SYNCRIP: variants seen among roughly 807,000 people sequenced by gnomAD.
The protein encoded by SYNCRIP is synaptotagmin binding cytoplasmic RNA interacting protein.
In SYNCRIP, 9 loss-of-function variants were observed where a neutral mutation model predicts 68.9. The ratio of observed to expected loss-of-function variants is 0.13; its 90% CI spans 0.08 to 0.23. The LOEUF (loss-of-function observed/expected upper bound fraction) is 0.23. Among genes scored for constraint, SYNCRIP ranks in the 10% least tolerant of loss-of-function variants. SYNCRIP has a pLI of 1.00. For missense variants in SYNCRIP, 414 were observed against 770.6 expected (o/e 0.54, Z 5.48); for synonymous variants, 258 against 254.0 (o/e 1.02, Z -0.15).
intron 6 of SYNCRIP, among the ~76,000 whole-genome samples, chr6:85,626,702 A>C (rs1807076602): frequency 6.6e-6 from 1 of 152,212 alleles, no homozygotes; most frequent in Non-Finnish European, 1.5e-5. Flanking sequence ...AAGACAGCTA[A>C]TCTGTAACAT....
chr6:85,629,113 A>C (rs943776589), intron 6 of SYNCRIP, among the ~76,000 whole-genome samples: 4 of 152,168 alleles, frequency 2.6e-5, no homozygotes, highest in African/African-American at 9.7e-5. Context: ...AGCTTAGCCC[A>C]GTATGAACTA....
At chr6:85,636,894 G>T in intron 6 of SYNCRIP, 73 bp downstream of exon 6, 1 of 1,436,150 alleles carries the variant, frequency 7.0e-7, no homozygotes, top group South Asian at 1.4e-5. Flanking sequence ...TAAACTCTTA[G>T]GCACACTAAG....
chr6:85,614,886 T>C lies in SYNCRIP; in HGVS notation c.1742A>G (p.Asn581Ser), dbSNP rs746222199. The C allele has an allele frequency of 2.1e-5, 34 of 1,614,198 alleles. No homozygotes were observed. The highest frequency in any genetic ancestry group is 5.5e-5 in the South Asian group (5 of 91,080). Reference sequence around the variant, plus strand: ...GGGTTGGGAGCCCCAGTTCTGATTATTGGTCTGGCGCCGCTTGGAATCTGG... The same window carrying C: ...GGGTTGGGAGCCCCAGTTCTGATTACTGGTCTGGCGCCGCTTGGAATCTGG... ...NQPDSKRRQTNNQNWGSQPIA... is the reference protein window; with the variant it reads ...NQPDSKRRQTSNQNWGSQPIA... The change falls in exon 11 of 11, where the codon AAT becomes AGT. Residue 581 changes from asparagine (N) to serine (S), a missense_variant. Transcript: ENST00000369622.
intron 7 of SYNCRIP, among the ~76,000 whole-genome samples, 182 bp downstream of exon 7, chr6:85,623,795 T>G (rs1341880261): frequency 6.6e-6 from 1 of 152,192 alleles, no homozygotes; most frequent in Non-Finnish European, 1.5e-5. Flanking sequence ...TGGCAAGTTA[T>G]TTCCCAAATC....
At chr6:85,628,533 CCT>C (rs1193506542) in intron 6 of SYNCRIP, among the ~76,000 whole-genome samples, 1 of 152,168 alleles carries the variant, frequency 6.6e-6, no homozygotes, top group Non-Finnish European at 1.5e-5. Context: ...AACTAAAGTA[CCT>C]CCAAGAAATA....
At chr6:85,643,555 G>C (rs1487457731), upstream of SYNCRIP, among the ~76,000 whole-genome samples, 1 of 149,102 alleles carries the variant, frequency 6.7e-6, no homozygotes, top group African/African-American at 2.5e-5. Context: ...GGCCGGCTCA[G>C]CGTGTCCCAC....
chr6:85,637,705 T>C (rs1323273008), intron 4 of SYNCRIP, among the ~76,000 whole-genome samples: 1 of 152,204 alleles, frequency 6.6e-6, no homozygotes, highest in Non-Finnish European at 1.5e-5. Flanking sequence ...GTACCTAATT[T>C]GGTTGAGCAT....
chr6:85,614,212 T>C lies in SYNCRIP; in HGVS notation c.*544A>G, dbSNP rs1347558390. On this transcript the variant is annotated 3_prime_UTR_variant, in exon 11 of 11. Transcript: ENST00000369622. ...GAATTGTAAACACAATTTTAGTAAG[T>C]ATACATTTAGGTGTGAATTTTTTAT... The C allele has an allele frequency of 1.0e-6, 1 of 985,712 alleles. No homozygotes were observed. Among genetic ancestry groups the C allele is most frequent in the Non-Finnish European group, 1.2e-6 (1 of 829,774 alleles). The allele number at this position is 985,712 out of a possible 1,614,324, so 61.1% of individuals were successfully genotyped here. A position where few individuals can be genotyped will look rare whatever the true frequency, so the allele number is the denominator to read the frequency against.
chr6:85,639,880 G>A (rs769075526), intron 4 of SYNCRIP, among the ~76,000 whole-genome samples: 1 of 151,696 alleles, frequency 6.6e-6, no homozygotes, highest in African/African-American at 2.4e-5. Flanking sequence ...AAAAAAAAAA[G>A]CCAGTTGCCA....
At position 85,641,374 on chromosome 6, in the gene SYNCRIP, G is replaced by T; in HGVS notation, c.66C>A (p.Ile22=). ...GCAATGTCTGAAAATTTTCTGAATG[G>T]ATAACTGCAGAAGTAGTATCCATGG... ...EEPMDTTSAV[I]HSENFQTLLD... is the part of the protein sequence containing the mutation. The change falls in exon 2 of 11, where the codon ATC becomes ATA. Residue 22 remains isoleucine, a synonymous_variant. Transcript: ENST00000369622. 1 of 1,613,124 alleles carries T rather than the reference G, an allele frequency of 6.2e-7. No homozygotes were observed. Among genetic ancestry groups the T allele is most frequent in the Non-Finnish European group, 8.5e-7 (1 of 1,179,862 alleles).
intron 6 of SYNCRIP, among the ~76,000 whole-genome samples, chr6:85,630,631 A>G (rs1807631935): frequency 6.6e-6 from 1 of 152,112 alleles, no homozygotes; most frequent in South Asian, 2.1e-4. Flanking sequence ...AAGCATCATC[A>G]CCTACTAATT....
intron 4 of SYNCRIP, among the ~76,000 whole-genome samples, chr6:85,639,465 T>C (rs528056543): frequency 6.6e-6 from 1 of 152,280 alleles, no homozygotes; most frequent in African/African-American, 2.4e-5. Context: ...GCTAACTCCA[T>C]ATACCAACCT....
intron 6 of SYNCRIP, among the ~76,000 whole-genome samples, chr6:85,632,194 T>A (rs954339406): frequency 3.3e-5 from 5 of 152,196 alleles, no homozygotes; most frequent in East Asian, 3.8e-4. Context: ...TTCATTGCTG[T>A]ATCAGTATTA....
intron 8 of SYNCRIP, among the ~76,000 whole-genome samples, chr6:85,622,190 G>A (rs1194391184): frequency 6.6e-6 from 1 of 151,972 alleles, no homozygotes; most frequent in East Asian, 1.9e-4. Flanking sequence ...TGACCAACAT[G>A]GTGAAACCCC....
chr6:85,631,347 A>AAAAAAAAAG (rs1807758534), intron 6 of SYNCRIP, among the ~76,000 whole-genome samples: 1 of 151,924 alleles, frequency 6.6e-6, no homozygotes, highest in Non-Finnish European at 1.5e-5. Context: ...TCCAAAAAAA[A>AAAAAAAAAG]AAAAAAAAGG....
At chr6:85,615,418 T>A in intron 10 of SYNCRIP, 71 bp from the exon 11 acceptor site, 1 of 1,011,716 alleles carries the variant, frequency 9.9e-7, no homozygotes, top group South Asian at 2.1e-5. Flanking sequence ...TTTAGCCATT[T>A]GTAACAGTTT....
Position 85,614,409 on chromosome 6 carries a change from G to T in SYNCRIP, c.*347C>A. The T allele has an allele frequency of 9.9e-7, 1 of 1,011,378 alleles. No homozygotes were observed. The highest frequency in any genetic ancestry group is 1.2e-6 in the Non-Finnish European group (1 of 847,634). The allele number at this position is 1,011,378 out of a possible 1,614,324, so 62.7% of individuals were successfully genotyped here. ...GATACAAGATATTAAAGACACACTTGGTTTTAATCAACTACCTTTGAAGAC... is the reference window on the plus strand; with the variant it reads ...GATACAAGATATTAAAGACACACTTTGTTTTAATCAACTACCTTTGAAGAC... On this transcript the variant is annotated 3_prime_UTR_variant, in exon 11 of 11. Coordinates refer to ENST00000369622, the MANE Select transcript of SYNCRIP (RefSeq NM_006372.5).
chr6:85,631,621 G>A (rs1239595169), intron 6 of SYNCRIP, among the ~76,000 whole-genome samples: 1 of 152,204 alleles, frequency 6.6e-6, no homozygotes, highest in Non-Finnish European at 1.5e-5. Flanking sequence ...AAAAGTGTTA[G>A]ATGCTAAAAT....
At chr6:85,637,907 A>G (rs1362416799) in intron 4 of SYNCRIP, among the ~76,000 whole-genome samples, 2 of 152,240 alleles carry the variant, frequency 1.3e-5, no homozygotes, top group Non-Finnish European at 2.9e-5. Context: ...TTCATGGGAT[A>G]GCATGGGTCC....
Sources: gnomAD v4.1 joint callset for allele counts (sites outside exome capture counted in the v4.1 genomes callset) on GRCh38, gnomAD v4.1.1 for gene constraint, MANE v1.5 for transcripts, NCBI Gene and HGNC (gene_info 2026-07-23, HGNC 2026-07-21) for gene names.